Variants in IL13 observed in about 807,000 individuals in gnomAD.
The protein encoded by IL13 is interleukin 13.
Under a neutral mutation model 11.1 loss-of-function variants are expected in IL13, and 9 were observed. The observed-to-expected ratio is 0.81, with a 90% confidence interval of 0.49 to 1.42. IL13 has a LOEUF of 1.42. IL13 is among the 40% of genes most tolerant of loss of function. The pLI is 0.00. For synonymous variants in IL13, 75 were observed against 76.9 expected, an observed-to-expected ratio of 0.97 and a Z score of 0.13; for missense variants, 181 against 182.5, an observed-to-expected ratio of 0.99 and a Z score of 0.05.
chr5:132,660,269 G>T lies in IL13; in HGVS notation c.428G>T (p.Gly143Val). The T allele has an allele frequency of 1.2e-6, 2 of 1,614,016 alleles. No individual in the cohort carries two copies. The highest frequency in any genetic ancestry group is 1.7e-6 in the Non-Finnish European group (2 of 1,179,980). Residue 143 changes from glycine (G) to valine (V), a missense_variant, in exon 4 of 4, where the codon GGA becomes GTA. Physicochemically the swap from Gly to Val is moderately radical, Grantham distance 109 (BLOSUM62 -3). Transcript: ENST00000304506. ...LLHLKKLFRE[G>V]QFN The stretch of plus-strand genomic sequence containing the variant: ...CATTTAAAGAAACTTTTTCGCGAGG[G>T]ACAGTTCAACTGAAACTTCGAAAGC...
In IL13 at chr5:132,658,195, G is replaced by T. The variant is rs1412970097; in HGVS notation, c.9G>T (p.Pro3=). 5.0e-6 allele frequency: 8 copies of T among 1,601,252 alleles called. No individual in the cohort carries two copies. Among genetic ancestry groups the T allele is most frequent in the Non-Finnish European group, 6.8e-6 (8 of 1,172,850 alleles). Residue 3 remains proline (P), a synonymous_variant, in exon 1 of 4, where the codon CCG becomes CCT. Transcript: ENST00000304506. MH[P]LLNPLLLALG... Reference sequence around the variant, plus strand: ...CACAAGCCACCCAGCCTATGCATCCGCTCCTCAATCCTCTCCTGTTGGCAC... The same window carrying T: ...CACAAGCCACCCAGCCTATGCATCCTCTCCTCAATCCTCTCCTGTTGGCAC...
Position 132,658,237 on chromosome 5 carries a change from T to C in IL13, c.51T>C (p.Leu17=). 6.2e-7 allele frequency: 1 copy of C among 1,611,878 alleles called. No individual in the cohort carries two copies. Among genetic ancestry groups the C allele is most frequent in the Non-Finnish European group, 8.5e-7 (1 of 1,178,012 alleles). ...PLLLALGLMA[L]LLTTVIALTC... is the part of the protein sequence containing the mutation. Reference sequence around the variant, plus strand: ...TGTTGGCACTGGGCCTCATGGCGCTTTTGTTGACCACGGTCATTGCTCTCA... The same window carrying C: ...TGTTGGCACTGGGCCTCATGGCGCTCTTGTTGACCACGGTCATTGCTCTCA... Residue 17 remains leucine (L), a synonymous_variant, in exon 1 of 4, where the codon CTT becomes CTC. Coordinates refer to ENST00000304506, the MANE Select transcript of IL13 (RefSeq NM_002188.3).
rs1243074553 is a variant in IL13, at chr5:132,660,506, G to C, written c.*224G>C. On this transcript the variant is annotated 3_prime_UTR_variant, in exon 4 of 4. Transcript: ENST00000304506. ...AGCCTGGTGGGCCTCCTCTGTCCAG[G>C]GCCCTGAGCTCGGTGGACCCAGGGA... The C allele has an allele frequency of 3.2e-6, 2 of 618,420 alleles. No individual in the cohort carries two copies. The highest frequency in any genetic ancestry group is 5.2e-6 in the Non-Finnish European group (2 of 385,484). 38.3% of individuals were successfully genotyped at this position (618,420 alleles called of 1,614,324 possible). A position where few individuals can be genotyped will look rare whatever the true frequency, so the allele number is the denominator to read the frequency against.
chr5:132,660,304 T>G lies in IL13; in HGVS notation c.*22T>G. ...CTGAAACTTCGAAAGCATCATTATT[T>G]GCAGAGACAGGACCTGACTATTGAA... On this transcript the variant is annotated 3_prime_UTR_variant, in exon 4 of 4. Transcript: ENST00000304506. 6.2e-7 allele frequency: 1 copy of G among 1,612,394 alleles called. No homozygotes were observed. The highest frequency in any genetic ancestry group is 1.1e-5 in the South Asian group (1 of 90,898).
rs56097948 is a variant in IL13, at chr5:132,659,355, G to C, written c.175-63G>C. The C allele has an allele frequency of 8.1e-7, 1 of 1,241,450 alleles. No homozygotes were observed. The highest frequency in any genetic ancestry group is 1.5e-5 in the African/African-American group (1 of 68,002). 76.9% of individuals were successfully genotyped at this position (1,241,450 alleles called of 1,614,324 possible). On this transcript the variant is annotated intron_variant, in intron 1 of 3. Coordinates refer to ENST00000304506, the MANE Select transcript of IL13 (RefSeq NM_002188.3). This position sits in a 1 kb window ranked among gnomAD's most constrained non-coding sequence, Gnocchi z 4.1. The stretch of plus-strand genomic sequence containing the variant: ...CCTGTGCTGGGGCAGACCTGGCCTG[G>C]GCTGCCAGGGCAGGCCCACAACCCC...
At position 132,659,038 on chromosome 5, in the gene IL13, C is replaced by G. The variant is rs1581034913; in HGVS notation, c.175-380C>G. The G allele has an allele frequency of 3.8e-6, 1 of 262,638 alleles. No individual in the cohort carries two copies. The highest frequency in any genetic ancestry group is 8.2e-5 in the East Asian group (1 of 12,266). The allele number at this position is 262,638 out of a possible 1,614,324, so 16.3% of individuals were successfully genotyped here. On this transcript the variant is annotated intron_variant, in intron 1 of 3. Transcript: ENST00000304506. The surrounding 1 kb of genome is among the most constrained non-coding windows in gnomAD (Gnocchi z 4.1). Reference sequence around the variant, plus strand: ...AGGCAGGGCATTTAATACACCAGATCCCCACCGCCTCCCATCTGATTTGTC... The same window carrying G: ...AGGCAGGGCATTTAATACACCAGATGCCCACCGCCTCCCATCTGATTTGTC...
chr5:132,659,631 C>A lies in IL13; in HGVS notation c.229-93C>A. The A allele has an allele frequency of 6.3e-7, 1 of 1,598,060 alleles. No homozygotes were observed. The highest frequency in any genetic ancestry group is 1.1e-5 in the South Asian group (1 of 89,160). ...CCTTCCCGCCCACCACCCAGACTCA[C>A]CTGCGCCAGGCATCTCAGCCCCATC... On this transcript the variant is annotated intron_variant, in intron 2 of 3. Transcript: ENST00000304506. This position sits in a 1 kb window ranked among gnomAD's most constrained non-coding sequence, Gnocchi z 4.1.
rs566467229 is a variant in IL13 at position 132,659,265 on chromosome 5, G to A, written c.175-153G>A. 26 of 660,932 alleles carry A rather than the reference G, an allele frequency of 3.9e-5. 1 individual carries two copies. Among genetic ancestry groups the A allele is most frequent in the Non-Finnish European group, 6.2e-5 (22 of 356,714 alleles). 40.9% of individuals were successfully genotyped at this position (660,932 alleles called of 1,614,324 possible). A position where few individuals can be genotyped will look rare whatever the true frequency, so the allele number is the denominator to read the frequency against. ...ATGCCTGCTGTTCAAAGCAGAAAACGAAGCTCAGGAATGCTGAGGGGCTGC... is the reference window on the plus strand; with the variant it reads ...ATGCCTGCTGTTCAAAGCAGAAAACAAAGCTCAGGAATGCTGAGGGGCTGC... On this transcript the variant is annotated intron_variant, in intron 1 of 3. Transcript: ENST00000304506. This position sits in a 1 kb window ranked among gnomAD's most constrained non-coding sequence, Gnocchi z 4.1.
upstream of IL13, among the ~76,000 whole-genome samples, chr5:132,657,493 A>AAAAAC (rs564856494): frequency 1.2e-4 from 19 of 152,114 alleles, no homozygotes; most frequent in Middle Eastern, 3.2e-3. Context: ...CCATCTCCAA[A>AAAAAC]AAAACAAAAC....
intron 3 of IL13, 39 bp from the exon 4 acceptor site, chr5:132,660,136 C>T: frequency 6.3e-7 from 1 of 1,598,600 alleles, no homozygotes; most frequent in East Asian, 2.2e-5. Context: ...GTCCCGGCCT[C>T]TGGCGTTCTA....
In IL13 at chr5:132,658,328, G is replaced by T; in HGVS notation, c.142G>T (p.Glu48Ter). ...CTCTACAGCCCTCAGGGAGCTCATT[G>T]AGGAGCTGGTCAACATCACCCAGAA... is the stretch of plus-strand genomic sequence containing the variant. ...PPSTALRELI[E>*]ELVNITQNQK... Residue 48 changes from glutamate (E) to a stop codon, truncating the protein, a stop_gained, in exon 1 of 4, where the codon GAG (glutamate) becomes TAG (stop). Coordinates refer to ENST00000304506, the MANE Select transcript of IL13 (RefSeq NM_002188.3). LOFTEE classifies it high-confidence loss of function. The T allele has an allele frequency of 6.2e-7, 1 of 1,611,894 alleles. No individual in the cohort carries two copies. The highest frequency in any genetic ancestry group is 8.5e-7 in the Non-Finnish European group (1 of 1,178,224).
rs78628956 is a variant in IL13 at position 132,660,210 on chromosome 5, C to T, written c.369C>T (p.Ile123=). The T allele has an allele frequency of 8.1e-5, 130 of 1,614,166 alleles. 1 individual carries two copies. The African/African-American group carries it at 1.1e-3, about 13-fold the overall frequency. The change falls in exon 4 of 4, where the codon ATC becomes ATT. Residue 123 remains isoleucine, a synonymous_variant. Coordinates refer to ENST00000304506, the MANE Select transcript of IL13 (RefSeq NM_002188.3). ...FSSLHVRDTK[I]EVAQFVKDLL... Reference sequence around the variant, plus strand: ...GCTTGCATGTCCGAGACACCAAAATCGAGGTGGCCCAGTTTGTAAAGGACC... The same window carrying T: ...GCTTGCATGTCCGAGACACCAAAATTGAGGTGGCCCAGTTTGTAAAGGACC...
At position 132,659,591 on chromosome 5, in the gene IL13, C is replaced by T. The variant is rs1023014298; in HGVS notation, c.228+120C>T. 1.7e-4 allele frequency: 267 copies of T among 1,573,780 alleles called. No homozygotes were observed. The highest frequency in any genetic ancestry group is 2.1e-4 in the Non-Finnish European group (246 of 1,154,536). On this transcript the variant is annotated intron_variant, in intron 2 of 3. Coordinates refer to ENST00000304506, the MANE Select transcript of IL13 (RefSeq NM_002188.3). This position sits in a 1 kb window ranked among gnomAD's most constrained non-coding sequence, Gnocchi z 4.1. ...AAGCTTCAAGTGCTCTCCTCCCTCC[C>T]GCCATAATCTGGCCCCTTCCCGCCC... is the stretch of plus-strand genomic sequence containing the variant.
At position 132,659,719 on chromosome 5, in the gene IL13, C is replaced by T; in HGVS notation, c.229-5C>T. Reference sequence around the variant, plus strand: ...GCCTGACCCCTCGGTGTCCCCTCCCCACAGTACTGTGCAGCCCTGGAATCC... The same window carrying T: ...GCCTGACCCCTCGGTGTCCCCTCCCTACAGTACTGTGCAGCCCTGGAATCC... On this transcript the variant is annotated splice_polypyrimidine_tract_variant and splice_region_variant and intron_variant, in intron 2 of 3. Coordinates refer to ENST00000304506, the MANE Select transcript of IL13 (RefSeq NM_002188.3). This position sits in a 1 kb window ranked among gnomAD's most constrained non-coding sequence, Gnocchi z 4.1. The T allele has an allele frequency of 6.2e-7, 1 of 1,613,822 alleles. No homozygotes were observed. The highest frequency in any genetic ancestry group is 8.5e-7 in the Non-Finnish European group (1 of 1,179,964).
chr5:132,659,690 C>A lies in IL13; in HGVS notation c.229-34C>A. ...GACTCACAAAAGGCAGCTGCCCAAG[C>A]AGGGCCTGACCCCTCGGTGTCCCCT... On this transcript the variant is annotated intron_variant, in intron 2 of 3. Transcript: ENST00000304506. The surrounding 1 kb of genome is among the most constrained non-coding windows in gnomAD (Gnocchi z 4.1). The A allele has an allele frequency of 6.2e-7, 1 of 1,608,570 alleles. No individual in the cohort carries two copies. Among genetic ancestry groups the A allele is most frequent in the Non-Finnish European group, 8.5e-7 (1 of 1,176,208 alleles).
rs1356228966 is a variant in IL13, at chr5:132,659,294, G to GCCTGCCTCTGTGCCACA, written c.175-121_175-105dup. ...CTCAGGAATGCTGAGGGGCTGCCAG[G>GCCTGCCTCTGTGCCACA]CCTGCCTCTGTGCCACACCAGGGAT... is the stretch of plus-strand genomic sequence containing the variant. On this transcript the variant is annotated intron_variant, in intron 1 of 3. Coordinates refer to ENST00000304506, the MANE Select transcript of IL13 (RefSeq NM_002188.3). The surrounding 1 kb of genome is among the most constrained non-coding windows in gnomAD (Gnocchi z 4.1). 2.5e-4 allele frequency: 180 copies of GCCTGCCTCTGTGCCACA among 723,306 alleles called. No individual in the cohort carries two copies. Among genetic ancestry groups the GCCTGCCTCTGTGCCACA allele is most frequent in the Middle Eastern group, 1.0e-3 (3 of 3,006 alleles). 44.8% of individuals were successfully genotyped at this position (723,306 alleles called of 1,614,324 possible).
chr5:132,659,572 C>T lies in IL13; in HGVS notation c.228+101C>T, dbSNP rs2149874494. The stretch of plus-strand genomic sequence containing the variant: ...CATGGCTGGGGTTCCAAGCAAGCTT[C>T]AAGTGCTCTCCTCCCTCCCGCCATA... On this transcript the variant is annotated intron_variant, in intron 2 of 3. Transcript: ENST00000304506. The surrounding 1 kb of genome is among the most constrained non-coding windows in gnomAD (Gnocchi z 4.1). The T allele has an allele frequency of 6.4e-7, 1 of 1,559,414 alleles. No homozygotes were observed. Among genetic ancestry groups the T allele is most frequent in the East Asian group, 2.3e-5 (1 of 43,058 alleles).
At chr5:132,658,422 G>A in intron 1 of IL13, 62 bp downstream of exon 1, 1 of 1,013,856 alleles carries the variant, frequency 9.9e-7, no homozygotes, top group South Asian at 1.5e-5. Context: ...TTCCCAAGAT[G>A]AGGTCATGAG....
intron 3 of IL13, 51 bp from the exon 4 acceptor site, chr5:132,660,124 T>A: frequency 2.5e-6 from 4 of 1,574,712 alleles, no homozygotes; most frequent in Non-Finnish European, 3.5e-6. Flanking sequence ...TTTGTGCGAG[T>A]CGTCCCGGCC....
Sources: gnomAD v4.1 joint callset for allele counts (sites outside exome capture counted in the v4.1 genomes callset) on GRCh38, gnomAD v4.1.1 for gene constraint, Gnocchi (gnomAD v3.1) non-coding constraint, MANE v1.5 for transcripts, NCBI Gene and HGNC (gene_info 2026-07-23, HGNC 2026-07-21) for gene names.